The following TMEM255A variants were observed in gnomAD, a reference collection of about 807,000 sequenced individuals.
The protein encoded by TMEM255A is family with sequence similarity 70, member A.
TMEM255A carries 14 observed loss-of-function variants against 23.5 expected under a neutral mutation model. That is an observed-to-expected ratio of 0.60 (90% CI 0.39 to 0.93). TMEM255A has a LOEUF of 0.93. Ranked by LOEUF, TMEM255A falls within the 40% of genes least tolerant of loss-of-function variation. The probability of loss-of-function intolerance (pLI) is 0.00; values close to 1 mark genes in which losing one functional copy is unlikely to be tolerated. For synonymous variants in TMEM255A, 104 were observed against 100.3 expected, an observed-to-expected ratio of 1.04 and a Z score of -0.22; for missense variants, 233 against 261.7, an observed-to-expected ratio of 0.89 and a Z score of 0.76.
In TMEM255A at chrX:120,287,225, G is replaced by A. The variant is rs782404617; in HGVS notation, c.355-3C>T. Reference sequence around the variant, plus strand: ...TTAGCGTAGAGTGGTTTCAGATCCTGAAAAGGGAAACACCAAAACAAAGGG... The same window carrying A: ...TTAGCGTAGAGTGGTTTCAGATCCTAAAAAGGGAAACACCAAAACAAAGGG... On this transcript the variant is annotated splice_polypyrimidine_tract_variant and splice_region_variant and intron_variant, in intron 4 of 8. Coordinates refer to ENST00000371369, the MANE Select transcript of TMEM255A (RefSeq NM_001104544.3). 8.3e-7 allele frequency: 1 copy of A among 1,201,029 alleles called. No homozygotes were observed. The highest frequency in any genetic ancestry group is 1.8e-5 in the African/African-American group (1 of 56,080).
downstream of TMEM255A, chrX:120,255,213 C>G (rs1556015185): frequency 8.3e-7 from 1 of 1,211,669 alleles, no homozygotes; most frequent in East Asian, 3.0e-5. Context: ...ATATGCATAT[C>G]TTTCCGATAG....
chrX:120,268,139 A>G (rs2057729573), intron 8 of TMEM255A, 105 bp downstream of exon 8: 2 of 933,873 alleles, frequency 2.1e-6, no homozygotes, highest in Non-Finnish European at 2.9e-6. Context: ...TACCTCATAC[A>G]TATGCAGACA....
At chrX:120,292,457 G>A (rs1032880063) in intron 3 of TMEM255A, among the ~76,000 whole-genome samples, 1 of 110,923 alleles carries the variant, frequency 9.0e-6, no homozygotes, top group African/African-American at 3.3e-5. Context: ...GGGAGAAGGA[G>A]AAAATCAAAA....
chrX:120,291,206 G>A (rs2057912296), intron 4 of TMEM255A, 45 bp downstream of exon 4: 1 of 1,032,282 alleles, frequency 9.7e-7, no homozygotes, highest in Admixed American at 2.3e-5. Flanking sequence ...GTGGGGCCTT[G>A]TTGTATTGCC....
At chrX:120,281,114 A>G (rs2057834046) in intron 6 of TMEM255A, among the ~76,000 whole-genome samples, 1 of 112,391 alleles carries the variant, frequency 8.9e-6, no homozygotes, top group Non-Finnish European at 1.9e-5. Flanking sequence ...CAAGGCCGAC[A>G]TGATGTTTCT....
At chrX:120,269,480 C>T (rs1226188738) in intron 7 of TMEM255A, among the ~76,000 whole-genome samples, 2 of 112,140 alleles carry the variant, frequency 1.8e-5, no homozygotes, top group African/African-American at 6.5e-5. Flanking sequence ...AGCTTCCTCT[C>T]AAGTGATGAA....
chrX:120,256,857 T>G, downstream of TMEM255A: 1 of 124,457 alleles, frequency 8.0e-6, no homozygotes. Context: ...ATTAGTCATT[T>G]GTAACCTTGC....
chrX:120,274,135 AT>A (rs2057780310), intron 7 of TMEM255A, among the ~76,000 whole-genome samples: 1 of 112,453 alleles, frequency 8.9e-6, no homozygotes, highest in South Asian at 3.7e-4. Flanking sequence ...AACAAAAAAA[AT>A]ATGATAAGTG....
At chrX:120,267,794 T>G (rs1234861975) in intron 8 of TMEM255A, among the ~76,000 whole-genome samples, 1 of 111,741 alleles carries the variant, frequency 8.9e-6, no homozygotes, top group Non-Finnish European at 1.9e-5. Flanking sequence ...CATTACAGGT[T>G]TGATTCAAAC....
chrX:120,301,804 A>T (rs1014972791), intron 2 of TMEM255A, among the ~76,000 whole-genome samples: 1 of 110,544 alleles, frequency 9.0e-6, no homozygotes, highest in African/African-American at 3.3e-5. Context: ...TTCTATAGTA[A>T]CTCCCTAATA....
intron 1 of TMEM255A, among the ~76,000 whole-genome samples, chrX:120,306,469 C>T (rs1476800030): frequency 9.0e-6 from 1 of 111,720 alleles, no homozygotes; most frequent in Non-Finnish European, 1.9e-5. Context: ...GGGGCTCTAA[C>T]ATAAACTTAC....
intron 2 of TMEM255A, among the ~76,000 whole-genome samples, chrX:120,296,799 TGA>T (rs2057968722): frequency 1.8e-4 from 1 of 5,637 alleles, no homozygotes; most frequent in Non-Finnish European, 3.6e-4. Context: ...ATAATATATA[TGA>T]TATATAATAT....
rs1556021527 is a variant in TMEM255A at position 120,285,175 on chromosome X, C to T, written c.464G>A (p.Arg155His). 10 of 1,211,227 alleles carry T rather than the reference C, an allele frequency of 8.3e-6. No individual in the cohort carries two copies. The highest frequency in any genetic ancestry group is 3.5e-5 in the South Asian group (2 of 56,959). The change falls in exon 6 of 9, where the codon CGC (arginine) becomes CAC (histidine). Residue 155 changes from arginine (R) to histidine (H), a missense_variant. Arg to His is a conservative substitution (Grantham distance 29). Coordinates refer to ENST00000371369, the MANE Select transcript of TMEM255A (RefSeq NM_001104544.3). ...PHLSREFCTP[R>H]IRGNTCFCCD... is the part of the protein sequence containing the mutation. ...GCAGAAGCAGGTGTTGCCCCGGATGCGAGGTGTGCAGAATTCACGGCTGAG... is the reference window on the plus strand; with the variant it reads ...GCAGAAGCAGGTGTTGCCCCGGATGTGAGGTGTGCAGAATTCACGGCTGAG...
chrX:120,298,360 A>G (rs1371281283), intron 2 of TMEM255A, among the ~76,000 whole-genome samples: 2 of 111,983 alleles, frequency 1.8e-5, no homozygotes, highest in Admixed American at 1.9e-4. Context: ...TACTACAATT[A>G]GGTAAACCAG....
intron 5 of TMEM255A, among the ~76,000 whole-genome samples, chrX:120,286,920 G>A (rs1399118226): frequency 9.0e-6 from 1 of 111,327 alleles, no homozygotes; most frequent in African/African-American, 3.3e-5. Flanking sequence ...CTCCCGGCTG[G>A]GGTCAGAGGG....
At chrX:120,252,186 C>T in the TMEM255A span, among the ~76,000 whole-genome samples, 1 of 111,473 alleles carries the variant, frequency 9.0e-6, no homozygotes. Context: ...GAACTGCCCT[C>T]CACCTGTATA....
chrX:120,294,119 C>A, intron 2 of TMEM255A, 68 bp from the exon 3 acceptor site: 2 of 852,927 alleles, frequency 2.3e-6, no homozygotes. Context: ...TCATTCCAGC[C>A]CCTTCATATG....
chrX:120,292,172 A>T (rs2057920293), intron 3 of TMEM255A, among the ~76,000 whole-genome samples: 2 of 111,370 alleles, frequency 1.8e-5, no homozygotes, highest in Non-Finnish European at 3.8e-5. Flanking sequence ...TTCAAGTAAG[A>T]CAAATGTTTG....
chrX:120,308,504 G>T (rs962806814), intron 1 of TMEM255A, among the ~76,000 whole-genome samples: 1 of 111,553 alleles, frequency 9.0e-6, no homozygotes, highest in Non-Finnish European at 1.9e-5. Flanking sequence ...GCCACACAGG[G>T]TGGGTCCCCG....
Sources: gnomAD v4.1 joint callset for allele counts (sites outside exome capture counted in the v4.1 genomes callset) on GRCh38, gnomAD v4.1.1 for gene constraint, MANE v1.5 for transcripts, NCBI Gene and HGNC (gene_info 2026-07-23, HGNC 2026-07-21) for gene names.